The following AHDC1 variants were observed in gnomAD, a reference collection of about 807,000 sequenced individuals.
The protein encoded by AHDC1 is AT-hook DNA binding motif containing 1.
Under a neutral mutation model 87.9 loss-of-function variants are expected in AHDC1, and 7 were observed. The observed-to-expected ratio is 0.08, with a 90% CI of 0.05 to 0.15. The LOEUF is 0.15. Among genes scored for constraint, AHDC1 ranks in the 10% least tolerant of loss-of-function variants. The probability of loss-of-function intolerance (pLI) is 1.00; values close to 1 mark genes in which losing one functional copy is unlikely to be tolerated. For synonymous variants in AHDC1, 1,051 were observed against 1,006.8 expected (o/e 1.04, Z -0.83); for missense variants, 1,841 against 2,253.2 (o/e 0.82, Z 3.70).
chr1:27,570,393 C>T (rs1385596463), intron 3 of AHDC1, among the ~76,000 whole-genome samples: 1 of 151,968 alleles, frequency 6.6e-6, no homozygotes, highest in African/African-American at 2.4e-5. Flanking sequence ...TTAGAGACCA[C>T]TGGCCTAAAC....
intron 5 of AHDC1, among the ~76,000 whole-genome samples, chr1:27,555,790 G>A (rs537727405): frequency 1.1e-4 from 17 of 152,230 alleles, no homozygotes; most frequent in Non-Finnish European, 2.2e-4. Context: ...GGGCCTGAGG[G>A]TGTGATCTTG....
At chr1:27,545,108 T>G (rs2019105898) in intron 8 of AHDC1, among the ~76,000 whole-genome samples, 1 of 151,488 alleles carries the variant, frequency 6.6e-6, no homozygotes, top group Non-Finnish European at 1.5e-5. Context: ...GGCCTCAGCT[T>G]CAAGGTCCGG....
In AHDC1 at chr1:27,563,333, CA is replaced by C. The variant is rs1002911033; in HGVS notation, c.-628-4451del. 1.5e-4 allele frequency among the ~76,000 whole-genome samples: 23 copies of C among 150,854 alleles called. No homozygotes were observed. Among genetic ancestry groups the C allele is most frequent in the African/African-American group, 5.7e-4 (23 of 40,410 alleles). ...GCACACACACACAGAACCTGTCACA[CA>C]GCTGACCAAGACACACACACACACA... On this transcript the variant is annotated intron_variant, in intron 3 of 8. Transcript: ENST00000673934. The surrounding 1 kb of genome is among the most constrained non-coding windows in gnomAD (Gnocchi z 6.1).
At position 27,548,574 on chromosome 1, in the gene AHDC1, C is replaced by A. The variant is rs761051371; in HGVS notation, c.3542G>T (p.Gly1181Val). The A allele has an allele frequency of 1.1e-5, 18 of 1,613,566 alleles. No homozygotes were observed. The highest frequency in any genetic ancestry group is 3.3e-5 in the Admixed American group (2 of 60,030). ...TQFNQPVGGG[G>V]FRRANSEASS... ...GGCCTCGCTGTTGGCACGCCGAAAC[C>A]CCCCGCCACCAACCGGCTGATTGAA... The change falls in exon 8 of 9, where the codon GGG (glycine) becomes GTG (valine). Residue 1181 changes from glycine (G) to valine (V), a missense_variant. Gly to Val is a moderately radical substitution (Grantham distance 109). Around this residue, in one of 13 missense-constraint regions of AHDC1, gnomAD observed 505 missense variants for 626.2 expected, o/e 0.81. Transcript: ENST00000673934.
At chr1:27,571,467 C>T (rs565759200) in intron 3 of AHDC1, among the ~76,000 whole-genome samples, 1 of 152,184 alleles carries the variant, frequency 6.6e-6, no homozygotes, top group Non-Finnish European at 1.5e-5. Context: ...CAGAACAAGT[C>T]AGGTGGGGTC....
intron 3 of AHDC1, among the ~76,000 whole-genome samples, chr1:27,567,534 G>A (rs1487387843): frequency 6.6e-6 from 1 of 151,978 alleles, no homozygotes; most frequent in African/African-American, 2.4e-5. Context: ...CATCCCTGGG[G>A]CCTCCCAGCA....
In AHDC1 at chr1:27,549,121, T is replaced by C. The variant is rs1340621995; in HGVS notation, c.2995A>G (p.Ser999Gly). Residue 999 changes from serine to glycine, a missense_variant, in exon 8 of 9, where the codon AGC becomes GGC. Ser to Gly is a moderately conservative substitution (Grantham distance 56). Transcript: ENST00000673934. ...CTGTTGCCACTGCCATAGGCGAAGC[T>C]GCAGTCCTTGCTGTTAGCGCAGTCC... ...GQDCANSKDC[S>G]FAYGSGNSLP... The C allele has an allele frequency of 1.3e-6, 2 of 1,552,518 alleles. No homozygotes were observed. The highest frequency in any genetic ancestry group is 3.7e-5 in the Admixed American group (2 of 53,508).
intron 3 of AHDC1, among the ~76,000 whole-genome samples, chr1:27,564,828 C>T (rs1052796582): frequency 1.3e-5 from 2 of 152,134 alleles, no homozygotes; most frequent in Non-Finnish European, 2.9e-5. Context: ...CCCCACCTCC[C>T]ACCCCATCAT....
At chr1:27,577,972 C>T (rs1023595748) in intron 3 of AHDC1, among the ~76,000 whole-genome samples, 1 of 152,214 alleles carries the variant, frequency 6.6e-6, no homozygotes, top group Non-Finnish European at 1.5e-5. Flanking sequence ...TTCTCCCAGG[C>T]AGTCAGACTA....
chr1:27,589,499 T>C (rs768318264), intron 3 of AHDC1, among the ~76,000 whole-genome samples: 42 of 152,214 alleles, frequency 2.8e-4, no homozygotes, highest in Non-Finnish European at 4.9e-4. Flanking sequence ...AGCATCCTGC[T>C]GGACTACTGT....
In AHDC1 at chr1:27,598,693, C is replaced by T. The variant is rs1571353094; in HGVS notation, c.-629+4704G>A. Among the ~76,000 whole-genome samples, 2 of 152,188 alleles carry T rather than the reference C, an allele frequency of 1.3e-5. No individual in the cohort carries two copies. Among genetic ancestry groups the T allele is most frequent in the Non-Finnish European group, 2.9e-5 (2 of 68,006 alleles). The stretch of plus-strand genomic sequence containing the variant: ...GATCACACCAGTGTCACCCCCACAA[C>T]AGTGGAGGCTGGTTTTGGCCATGTA... On this transcript the variant is annotated intron_variant, in intron 3 of 8. Coordinates refer to ENST00000673934, the MANE Select transcript of AHDC1 (RefSeq NM_001371928.1). This position sits in a 1 kb window ranked among gnomAD's most constrained non-coding sequence, Gnocchi z 4.2.
intron 3 of AHDC1, among the ~76,000 whole-genome samples, chr1:27,576,858 C>T (rs1265979727): frequency 1.3e-5 from 2 of 152,168 alleles, no homozygotes; most frequent in African/African-American, 4.8e-5. Context: ...CATGTGGTGA[C>T]CCGTGACCCT....
Position 27,551,339 on chromosome 1 carries a change from T to C in AHDC1, c.777A>G (p.Leu259=). 1 of 1,613,390 alleles carries C rather than the reference T, an allele frequency of 6.2e-7. No individual in the cohort carries two copies. Among genetic ancestry groups the C allele is most frequent in the Non-Finnish European group, 8.5e-7 (1 of 1,179,880 alleles). The part of the protein sequence containing the change: ...ASLTCPEAQL[L]EAQALEPPSP... ...ATGGTGGCTCGAGGGCCTGGGCCTC[T>C]AGCAGCTGGGCCTCTGGGCAAGTGA... is the stretch of plus-strand genomic sequence containing the variant. The change falls in exon 8 of 9, where the codon CTA becomes CTG. Residue 259 remains leucine (L), a synonymous_variant. Transcript: ENST00000673934.
chr1:27,559,110 G>A (rs2019953228), intron 3 of AHDC1, among the ~76,000 whole-genome samples: 1 of 152,084 alleles, frequency 6.6e-6, no homozygotes, highest in Non-Finnish European at 1.5e-5. Flanking sequence ...GGAGTGCAGT[G>A]GCATGATCAT....
intron 3 of AHDC1, among the ~76,000 whole-genome samples, chr1:27,601,965 G>A (rs571360939): frequency 2.0e-4 from 31 of 152,282 alleles, no homozygotes; most frequent in Admixed American, 1.9e-3. Context: ...GCCAAGTCCC[G>A]CCTGACACCA....
intron 3 of AHDC1, among the ~76,000 whole-genome samples, chr1:27,589,738 C>G (rs2089170199): frequency 6.6e-6 from 1 of 152,108 alleles, no homozygotes; most frequent in African/African-American, 2.4e-5. Context: ...TTGTCACAGA[C>G]TGGTGAGCAA....
chr1:27,577,538 C>G (rs2088790160), intron 3 of AHDC1, among the ~76,000 whole-genome samples: 1 of 152,160 alleles, frequency 6.6e-6, no homozygotes. Context: ...GGGGAGATGG[C>G]ATACAGGGGG....
intron 3 of AHDC1, among the ~76,000 whole-genome samples, chr1:27,579,040 A>G (rs1030228275): frequency 6.7e-6 from 1 of 149,180 alleles, no homozygotes; most frequent in Non-Finnish European, 1.5e-5. Flanking sequence ...GTCCTGTTCT[A>G]AATCTTTTTT....
At chr1:27,580,184 G>A (rs952143219) in intron 3 of AHDC1, among the ~76,000 whole-genome samples, 2 of 152,156 alleles carry the variant, frequency 1.3e-5, no homozygotes. Context: ...AGAGTTAGGG[G>A]TAAGCCCTTC....
Sources: allele counts gnomAD v4.1 joint callset (sites outside exome capture counted in the v4.1 genomes callset), GRCh38; gene constraint gnomAD v4.1.1; regional missense constraint gnomAD v4.1.1; non-coding constraint Gnocchi (gnomAD v3.1); transcripts MANE v1.5; gene names NCBI Gene and HGNC (gene_info 2026-07-23, HGNC 2026-07-21).